The following ZNF277 variants were observed in gnomAD, a reference collection of about 807,000 sequenced individuals.
ZNF277 encodes the protein nuclear receptor-interacting factor 4.
A neutral mutation model predicts 60.7 loss-of-function variants in ZNF277; 55 were observed. That is an observed-to-expected ratio of 0.91 (90% confidence interval 0.73 to 1.13). The LOEUF (loss-of-function observed/expected upper bound fraction) is 1.13. Among genes scored for constraint, ZNF277 ranks in the 50% most tolerant of loss-of-function variants. The pLI, the probability that ZNF277 is intolerant of heterozygous loss-of-function variation, is 0.00. For missense variants in ZNF277, 510 were observed against 523.0 expected (o/e 0.98, Z 0.24); for synonymous variants, 178 against 179.3 (o/e 0.99, Z 0.06).
At chr7:112,222,740 G>A (rs1460737973) in intron 1 of ZNF277, among the ~76,000 whole-genome samples, 1 of 152,148 alleles carries the variant, frequency 6.6e-6, no homozygotes, top group African/African-American at 2.4e-5. Flanking sequence ...GGTTAATACT[G>A]AGTGTCAACT....
intron 1 of ZNF277, among the ~76,000 whole-genome samples, chr7:112,212,476 C>T (rs903017967): frequency 2.0e-5 from 3 of 152,172 alleles, no homozygotes; most frequent in Non-Finnish European, 4.4e-5. Context: ...TAATACCTGT[C>T]TTGCAGTTAT....
intron 1 of ZNF277, among the ~76,000 whole-genome samples, chr7:112,244,882 A>T (rs1202818683): frequency 2.6e-5 from 4 of 152,196 alleles, no homozygotes; most frequent in Admixed American, 2.0e-4. Context: ...AGTTATTTAT[A>T]TAATTAGGAA....
chr7:112,265,542 A>G (rs575217573), intron 1 of ZNF277, among the ~76,000 whole-genome samples: 9 of 152,306 alleles, frequency 5.9e-5, no homozygotes, highest in African/African-American at 2.2e-4. Context: ...AAAATTACCA[A>G]AATTTGACAG....
rs975840326 is a variant in ZNF277, at chr7:112,325,052, C to T, written c.558-2665C>T. ...TCTTCCAGAAACATCCTCACAGACA[C>T]ACCTAGAAATGCTATTTTTACCAGC... is the stretch of plus-strand genomic sequence containing the variant. On this transcript the variant is annotated intron_variant, in intron 5 of 11. Transcript: ENST00000361822. Among the ~76,000 whole-genome samples, 7 of 152,308 alleles carry T rather than the reference C, an allele frequency of 4.6e-5. No homozygotes were observed. The East Asian group carries it at 9.6e-4, about 21-fold the overall frequency.
At chr7:112,229,944 G>C (rs1349449428) in intron 1 of ZNF277, among the ~76,000 whole-genome samples, 1 of 152,042 alleles carries the variant, frequency 6.6e-6, no homozygotes, top group African/African-American at 2.4e-5. Context: ...GGCTTGGGAT[G>C]CCCTACACCT....
chr7:112,341,079 A>G lies in ZNF277; in HGVS notation c.1184+33A>G, dbSNP rs1793435872. The G allele has an allele frequency of 2.6e-6, 4 of 1,523,164 alleles. No homozygotes were observed. The African/African-American group carries it at 5.6e-5, about 21-fold the overall frequency. 94.4% of individuals were successfully genotyped at this position (1,523,164 alleles called of 1,614,324 possible). ...CTGCAAAACCAAATGTGCACTTCTT[A>G]CTCCAACTCTTTGATTTTGTCCCTT... On this transcript the variant is annotated intron_variant, in intron 11 of 11. Transcript: ENST00000361822.
At chr7:112,315,949 T>C (rs1315039960) in intron 4 of ZNF277, among the ~76,000 whole-genome samples, 1 of 152,130 alleles carries the variant, frequency 6.6e-6, no homozygotes, top group Admixed American at 6.5e-5. Flanking sequence ...CTGAAGTTGT[T>C]TGTTCACTAA....
At chr7:112,325,738 C>G (rs1486330917) in intron 5 of ZNF277, among the ~76,000 whole-genome samples, 1 of 152,138 alleles carries the variant, frequency 6.6e-6, no homozygotes, top group Non-Finnish European at 1.5e-5. Flanking sequence ...GGGTGTCAGG[C>G]CTGAAAGCCC....
intron 1 of ZNF277, among the ~76,000 whole-genome samples, chr7:112,209,804 G>T (rs576725722): frequency 6.6e-6 from 1 of 152,098 alleles, no homozygotes; most frequent in Non-Finnish European, 1.5e-5. Context: ...GTCTTTCCCT[G>T]TAAAAATCAT....
intron 1 of ZNF277, among the ~76,000 whole-genome samples, chr7:112,278,421 G>A (rs1008713386): frequency 6.6e-6 from 1 of 152,074 alleles, no homozygotes; most frequent in African/African-American, 2.4e-5. Flanking sequence ...ATAGATATCA[G>A]TGCATATGAT....
At chr7:112,322,050 C>G (rs1479379646) in intron 5 of ZNF277, among the ~76,000 whole-genome samples, 1 of 151,988 alleles carries the variant, frequency 6.6e-6, no homozygotes, top group African/African-American at 2.4e-5. Flanking sequence ...AAAAAATAAA[C>G]AGCTACAGAG....
intron 4 of ZNF277, among the ~76,000 whole-genome samples, chr7:112,313,292 T>C (rs557886253): frequency 6.6e-6 from 1 of 151,870 alleles, no homozygotes; most frequent in Non-Finnish European, 1.5e-5. Flanking sequence ...ATTTTTTTTT[T>C]TTTTTCAGAC....
chr7:112,296,920 T>TTTA (rs1792362261), intron 4 of ZNF277, among the ~76,000 whole-genome samples: 1 of 37,458 alleles, frequency 2.7e-5, no homozygotes, highest in Non-Finnish European at 4.6e-5. Flanking sequence ...TTATTTTTTT[T>TTTA]TTTTTTTTTT....
At chr7:112,285,755 A>G (rs1263322559) in intron 1 of ZNF277, among the ~76,000 whole-genome samples, 1 of 152,128 alleles carries the variant, frequency 6.6e-6, no homozygotes, top group East Asian at 1.9e-4. Flanking sequence ...CATGGTCACC[A>G]GTGTACCAGT....
intron 1 of ZNF277, among the ~76,000 whole-genome samples, chr7:112,244,898 T>G (rs1013961193): frequency 6.6e-6 from 1 of 152,188 alleles, no homozygotes; most frequent in Admixed American, 6.5e-5. Context: ...AGGAAAAAAT[T>G]CATCAAGTAA....
chr7:112,278,591 T>G (rs10278642), intron 1 of ZNF277, among the ~76,000 whole-genome samples: 8,787 of 152,244 alleles, frequency 0.058, 674 homozygotes, highest in African/African-American at 0.18. Flanking sequence ...TGGAACACTC[T>G]ATCAGGTGGA....
chr7:112,309,299 AAGAC>A (rs1183493629), intron 4 of ZNF277, among the ~76,000 whole-genome samples: 1 of 152,050 alleles, frequency 6.6e-6, no homozygotes, highest in African/African-American at 2.4e-5. Flanking sequence ...GACTGGAAGA[AAGAC>A]AGATTCAAGA....
intron 1 of ZNF277, among the ~76,000 whole-genome samples, chr7:112,243,612 A>T (rs956198711): frequency 6.6e-6 from 1 of 152,130 alleles, no homozygotes; most frequent in Non-Finnish European, 1.5e-5. Flanking sequence ...TGTGAAGATT[A>T]AAACCAAAAC....
In ZNF277 at chr7:112,342,794, C is replaced by G; in HGVS notation, c.*65C>G. On this transcript the variant is annotated 3_prime_UTR_variant, in exon 12 of 12. Transcript: ENST00000361822. Reference sequence around the variant, plus strand: ...TTTTTCATGTTTTTCTCCTATGAGACAGATATGAAAGAACAATTTAAATTT... The same window carrying G: ...TTTTTCATGTTTTTCTCCTATGAGAGAGATATGAAAGAACAATTTAAATTT... 1 of 1,275,056 alleles carries G rather than the reference C, an allele frequency of 7.8e-7. No individual in the cohort carries two copies. Among genetic ancestry groups the G allele is most frequent in the Non-Finnish European group, 1.0e-6 (1 of 969,258 alleles). 79.0% of individuals were successfully genotyped at this position (1,275,056 alleles called of 1,614,324 possible).
Sources: allele counts gnomAD v4.1 joint callset (sites outside exome capture counted in the v4.1 genomes callset), GRCh38; gene constraint gnomAD v4.1.1; transcripts MANE v1.5; gene names NCBI Gene and HGNC (gene_info 2026-07-23, HGNC 2026-07-21).